Variants in HIVEP3 observed in about 807,000 individuals in gnomAD.
HIVEP3 encodes the protein HIVEP zinc finger 3.
Under a neutral mutation model 152.8 loss-of-function variants are expected in HIVEP3, and 49 were observed. The ratio of observed to expected loss-of-function variants is 0.32; its 90% CI spans 0.26 to 0.41. The LOEUF is 0.41. HIVEP3 is among the 10% of genes least tolerant of loss of function. HIVEP3 has a pLI of 1.00. For missense variants in HIVEP3, 2,790 were observed against 3,103.3 expected, an observed-to-expected ratio of 0.90 and a Z score of 2.40; for synonymous variants, 1,269 against 1,289.0, an observed-to-expected ratio of 0.98 and a Z score of 0.33.
Position 41,664,806 on chromosome 1 carries a change from C to T in HIVEP3, c.-720-35859G>A, listed in dbSNP as rs1387931598. Among the ~76,000 whole-genome samples, 1 of 152,130 alleles carries T rather than the reference C, an allele frequency of 6.6e-6. No individual in the cohort carries two copies. Among genetic ancestry groups the T allele is most frequent in the Non-Finnish European group, 1.5e-5 (1 of 68,010 alleles). The stretch of plus-strand genomic sequence containing the variant: ...GACTGGGATGGCTTGGGATTTGTCT[C>T]CTCCTTTCTCTTGACAAACTCCTCT... On this transcript the variant is annotated intron_variant, in intron 2 of 8. Coordinates refer to ENST00000372583, the MANE Select transcript of HIVEP3 (RefSeq NM_024503.5). The surrounding 1 kb of genome is among the most constrained non-coding windows in gnomAD (Gnocchi z 4.4).
At chr1:41,731,340 A>T (rs1646836515) in intron 1 of HIVEP3, among the ~76,000 whole-genome samples, 1 of 152,126 alleles carries the variant, frequency 6.6e-6, no homozygotes, top group South Asian at 2.1e-4. Flanking sequence ...GGGCCCCAGT[A>T]AGCCCCCGTG....
intron 2 of HIVEP3, among the ~76,000 whole-genome samples, chr1:41,650,103 T>A (rs896822754): frequency 6.6e-6 from 1 of 152,026 alleles, no homozygotes; most frequent in Non-Finnish European, 1.5e-5. Flanking sequence ...AGCCCCACAC[T>A]GCAAGGTGGC....
chr1:41,670,254 C>T (rs536063997), intron 2 of HIVEP3, among the ~76,000 whole-genome samples: 2 of 152,270 alleles, frequency 1.3e-5, no homozygotes, highest in South Asian at 4.1e-4. Flanking sequence ...AGGGGCAGGG[C>T]AGGGACCATC....
intron 1 of HIVEP3, among the ~76,000 whole-genome samples, chr1:41,841,566 G>A (rs1643289468): frequency 6.6e-6 from 1 of 152,176 alleles, no homozygotes; most frequent in Non-Finnish European, 1.5e-5. Context: ...TTTAAAATGG[G>A]GGAGAGGGGA....
At chr1:41,931,327 T>C (rs1451658814) in intron 1 of HIVEP3, among the ~76,000 whole-genome samples, 3 of 152,062 alleles carry the variant, frequency 2.0e-5, no homozygotes, top group Non-Finnish European at 4.4e-5. Flanking sequence ...CTTTCTTGCA[T>C]ATAGATATCC....
intron 4 of HIVEP3, 118 bp downstream of exon 4, chr1:41,579,619 A>C (rs1644369174): frequency 8.2e-7 from 1 of 1,212,250 alleles, no homozygotes; most frequent in African/African-American, 1.5e-5. Flanking sequence ...CAGAGAGGAA[A>C]TCTGACTACT....
chr1:41,975,969 G>A (rs371765885), intron 1 of HIVEP3, among the ~76,000 whole-genome samples: 1 of 152,160 alleles, frequency 6.6e-6, no homozygotes, highest in East Asian at 1.9e-4. Flanking sequence ...ACTTCCCTAA[G>A]GGCAAACCAT....
intron 1 of HIVEP3, among the ~76,000 whole-genome samples, chr1:41,802,952 C>T (rs1453165580): frequency 2.0e-5 from 3 of 152,210 alleles, no homozygotes; most frequent in Non-Finnish European, 4.4e-5. Context: ...TTCAAACACG[C>T]TCAGAAACCC....
chr1:42,003,597 T>C (rs1645441074), intron 1 of HIVEP3, among the ~76,000 whole-genome samples: 1 of 152,118 alleles, frequency 6.6e-6, no homozygotes, highest in Non-Finnish European at 1.5e-5. Flanking sequence ...CACTCCTTCC[T>C]GGCACAGATC....
chr1:41,883,632 C>T (rs2124429994), intron 1 of HIVEP3, among the ~76,000 whole-genome samples: 1 of 152,338 alleles, frequency 6.6e-6, no homozygotes, highest in African/African-American at 2.4e-5. Context: ...GAACCTGTGA[C>T]CCCACAGGAT....
intron 1 of HIVEP3, among the ~76,000 whole-genome samples, chr1:41,760,501 T>A (rs1647599607): frequency 6.6e-6 from 1 of 152,250 alleles, no homozygotes; most frequent in South Asian, 2.1e-4. Context: ...CTGCAGAGCT[T>A]ACTTTGCTGA....
chr1:41,612,442 C>T (rs1644911851), intron 3 of HIVEP3, among the ~76,000 whole-genome samples: 1 of 152,182 alleles, frequency 6.6e-6, no homozygotes, highest in South Asian at 2.1e-4. Context: ...CCAACTGCCC[C>T]CTAAGACTGC....
At chr1:41,828,037 G>C (rs1023026324) in intron 1 of HIVEP3, among the ~76,000 whole-genome samples, 14 of 152,320 alleles carry the variant, frequency 9.2e-5, no homozygotes, top group East Asian at 1.9e-4. Flanking sequence ...CCTTTGAAAA[G>C]TGACCATTAT....
intron 1 of HIVEP3, among the ~76,000 whole-genome samples, chr1:41,890,421 G>A (rs1243399751): frequency 1.4e-4 from 22 of 152,192 alleles, no homozygotes; most frequent in Admixed American, 1.3e-3. Flanking sequence ...GTGACAACTG[G>A]GTTGAGTTCT....
intron 1 of HIVEP3, among the ~76,000 whole-genome samples, chr1:41,903,711 C>A (rs2124456597): frequency 6.6e-6 from 1 of 152,254 alleles, no homozygotes; most frequent in Admixed American, 6.5e-5. Context: ...CTCTGTTGAG[C>A]TGGCCAGGAG....
At chr1:41,626,161 G>C (rs776156516) in intron 3 of HIVEP3, among the ~76,000 whole-genome samples, 3 of 152,184 alleles carry the variant, frequency 2.0e-5, no homozygotes, top group Non-Finnish European at 4.4e-5. Context: ...CCAAGCCTCT[G>C]ATGGTGCTGA....
rs778372036 is a variant in HIVEP3 at position 41,582,272 on chromosome 1, G to A, written c.2526C>T (p.Ser842=). ...PPAPHGRSAH[S]LQPKLVRQPN... is the part of the protein sequence containing the mutation. ...GCTGGCGGACCAACTTAGGCTGCAG[G>A]GAGTGAGCAGAGCGTCCGTGTGGGG... is the stretch of plus-strand genomic sequence containing the variant. Residue 842 remains serine (S), a synonymous_variant, in exon 4 of 9, where the codon TCC becomes TCT. Transcript: ENST00000372583. The surrounding 1 kb of genome is among the most constrained non-coding windows in gnomAD (Gnocchi z 4.7). The A allele has an allele frequency of 6.2e-7, 1 of 1,614,064 alleles. No individual in the cohort carries two copies. The highest frequency in any genetic ancestry group is 1.3e-5 in the African/African-American group (1 of 75,048).
At chr1:41,681,123 T>C (rs59351685) in intron 2 of HIVEP3, among the ~76,000 whole-genome samples, 5,180 of 151,166 alleles carry the variant, frequency 0.034, 127 homozygotes, top group African/African-American at 0.069. Context: ...TGTGTGTGTA[T>C]AGACAGAGAC....
chr1:41,762,452 T>A (rs1647754345), intron 1 of HIVEP3, among the ~76,000 whole-genome samples: 1 of 152,160 alleles, frequency 6.6e-6, no homozygotes, highest in South Asian at 2.1e-4. Flanking sequence ...CAGCCCTGGA[T>A]CCGCAGGCTG....
Sources: allele counts gnomAD v4.1 joint callset (sites outside exome capture counted in the v4.1 genomes callset), GRCh38; gene constraint gnomAD v4.1.1; non-coding constraint Gnocchi (gnomAD v3.1); transcripts MANE v1.5; gene names NCBI Gene and HGNC (gene_info 2026-07-23, HGNC 2026-07-21).